Variants in CTNNA2 observed in about 807,000 individuals in gnomAD.
CTNNA2 encodes catenin alpha-2.
Under a neutral mutation model 101.0 loss-of-function variants are expected in CTNNA2, and 42 were observed. The observed-to-expected ratio is 0.42, with a 90% confidence interval of 0.32 to 0.54. The LOEUF is 0.54. CTNNA2 is among the 20% of genes least tolerant of loss of function. CTNNA2 has a pLI of 0.14. For synonymous variants in CTNNA2, 450 were observed against 456.4 expected, an observed-to-expected ratio of 0.99 and a Z score of 0.18; for missense variants, 871 against 1,223.1, an observed-to-expected ratio of 0.71 and a Z score of 4.29.
chr2:79,512,696 G>A (rs978921665), upstream of CTNNA2, among the ~76,000 whole-genome samples: 4 of 151,702 alleles, frequency 2.6e-5, no homozygotes, highest in African/African-American at 9.7e-5. Context: ...TGCGCCCTAC[G>A]GCGGTGCCCC....
chr2:79,491,590 A>G (rs569811959), intron 4 of CTNNA2, among the ~76,000 whole-genome samples: 1 of 152,320 alleles, frequency 6.6e-6, no homozygotes, highest in Non-Finnish European at 1.5e-5. Context: ...AAAGCTTCTC[A>G]GAAGAGTAAC....
At chr2:79,508,955 GTATATATATATA>G (rs530470576), upstream of CTNNA2, among the ~76,000 whole-genome samples, 1,124 of 89,826 alleles carry the variant, frequency 0.013, 29 homozygotes, top group Admixed American at 0.016. Context: ...CACCATTGCA[GTATATATATATA>G]TATATATATA....
intron 1 of CTNNA2, among the ~76,000 whole-genome samples, chr2:79,534,798 A>T (rs1233706374): frequency 6.6e-6 from 1 of 151,830 alleles, no homozygotes; most frequent in Non-Finnish European, 1.5e-5. Context: ...CACTTGTGTG[A>T]TTATTGGCTT....
chr2:79,589,801 A>G (rs948267670), intron 1 of CTNNA2, among the ~76,000 whole-genome samples: 1 of 151,742 alleles, frequency 6.6e-6, no homozygotes, highest in African/African-American at 2.4e-5. Flanking sequence ...CTTAAATCAA[A>G]TTGGTGAAGT....
At chr2:80,210,882 C>T (rs112016710) in intron 7 of CTNNA2, among the ~76,000 whole-genome samples, 4,555 of 152,152 alleles carry the variant, frequency 0.03, 242 homozygotes, top group African/African-American at 0.1. Context: ...CTCCTGTTGT[C>T]TCCTGACTTT....
At chr2:79,830,293 A>G (rs542628604) in intron 3 of CTNNA2, among the ~76,000 whole-genome samples, 1 of 152,252 alleles carries the variant, frequency 6.6e-6, no homozygotes, top group Non-Finnish European at 1.5e-5. Context: ...AGAGACAGCC[A>G]TGGGCAAAGA....
chr2:79,897,784 C>T (rs1025669295), intron 6 of CTNNA2, among the ~76,000 whole-genome samples: 1 of 152,114 alleles, frequency 6.6e-6, no homozygotes, highest in Non-Finnish European at 1.5e-5. Flanking sequence ...ACTGGGAAAT[C>T]CAAGATCAAA....
At position 79,287,783 on chromosome 2, in the gene CTNNA2, C is replaced by G. The variant is rs200112824; in HGVS notation, c.-405-24926C>G. Among the ~76,000 whole-genome samples, 942 of 152,088 alleles carry G rather than the reference C, an allele frequency of 6.2e-3. 8 individuals carry two copies. In the East Asian group the frequency reaches 0.062, roughly 10 times the overall value. Reference sequence around the variant, plus strand: ...AGCTGTGGTGGGCTCCACCCAGTTCCAGCTTCCCGGCTGCTTTGTTTACCT... The same window carrying G: ...AGCTGTGGTGGGCTCCACCCAGTTCGAGCTTCCCGGCTGCTTTGTTTACCT... On this transcript the variant is annotated intron_variant, in intron 2 of 21. Transcript: ENST00000466387.
chr2:79,538,189 A>AT (rs1248249645), intron 1 of CTNNA2, among the ~76,000 whole-genome samples: 1 of 152,142 alleles, frequency 6.6e-6, no homozygotes, highest in Non-Finnish European at 1.5e-5. Flanking sequence ...TACTGTGAAC[A>AT]TATCAGCTTC....
intron 2 of CTNNA2, among the ~76,000 whole-genome samples, chr2:79,258,718 C>G (rs1268291485): frequency 6.6e-6 from 1 of 151,874 alleles, no homozygotes; most frequent in Non-Finnish European, 1.5e-5. Flanking sequence ...AAGCTCAATG[C>G]TTTTGAAACA....
chr2:79,573,430 C>G (rs1158589799), intron 1 of CTNNA2, among the ~76,000 whole-genome samples: 1 of 152,190 alleles, frequency 6.6e-6, no homozygotes, highest in Non-Finnish European at 1.5e-5. Flanking sequence ...TAACTTAAAG[C>G]CTGAAATATA....
At chr2:79,928,523 A>T (rs1004963287) in intron 7 of CTNNA2, among the ~76,000 whole-genome samples, 1 of 152,200 alleles carries the variant, frequency 6.6e-6, no homozygotes, top group Non-Finnish European at 1.5e-5. Context: ...TGTTCATGAC[A>T]TGATAGAGAA....
rs138590917 is a variant in CTNNA2, at chr2:79,552,585, G to A, written c.-6+39378G>A. ...TTCTCCCTGAAGGCTCTGCCCCATA[G>A]TAGACTTCTGCCTGGACATCCGGGC... On this transcript the variant is annotated intron_variant, in intron 1 of 18. Transcript: ENST00000402739. Among the ~76,000 whole-genome samples the A allele has an allele frequency of 1.1e-4, 17 of 152,284 alleles. No individual in the cohort carries two copies. In the East Asian group the frequency reaches 3.3e-3, roughly 30 times the overall value.
chr2:79,691,513 A>G (rs982511624), intron 2 of CTNNA2, among the ~76,000 whole-genome samples: 35 of 151,814 alleles, frequency 2.3e-4, no homozygotes, highest in Admixed American at 9.9e-4. Flanking sequence ...ACAATTAGAA[A>G]AAAAAAACTA....
At chr2:79,312,447 C>CA (rs1225611802) in intron 2 of CTNNA2, among the ~76,000 whole-genome samples, 1 of 152,126 alleles carries the variant, frequency 6.6e-6, no homozygotes, top group Non-Finnish European at 1.5e-5. Context: ...TCTCATTTTT[C>CA]ATTCATTCAT....
intron 1 of CTNNA2, among the ~76,000 whole-genome samples, chr2:79,563,161 GTATA>G (rs71385287): frequency 4.1e-4 from 32 of 78,588 alleles, no homozygotes; most frequent in Middle Eastern, 7.0e-3. Context: ...ATAAAGATGT[GTATA>G]TATATATATA....
intron 7 of CTNNA2, among the ~76,000 whole-genome samples, chr2:80,160,236 T>C (rs1392519946): frequency 6.6e-6 from 1 of 152,230 alleles, no homozygotes. Context: ...GTTAAATAGA[T>C]TCTTCCCTCT....
intron 7 of CTNNA2, among the ~76,000 whole-genome samples, chr2:79,969,610 T>G (rs542255): frequency 0.21 from 31,369 of 152,138 alleles, 3,828 homozygotes; most frequent in East Asian, 0.45. Flanking sequence ...TATGAGAACT[T>G]AAGGAGACCA....
intron 7 of CTNNA2, among the ~76,000 whole-genome samples, chr2:80,100,823 G>C (rs760040049): frequency 3.3e-5 from 5 of 152,196 alleles, no homozygotes; most frequent in Non-Finnish European, 7.3e-5. Context: ...AACCTTCTGA[G>C]CATACATCTT....
Sources: gnomAD v4.1 joint callset for allele counts (sites outside exome capture counted in the v4.1 genomes callset) on GRCh38, gnomAD v4.1.1 for gene constraint, MANE v1.5 for transcripts, NCBI Gene and HGNC (gene_info 2026-07-23, HGNC 2026-07-21) for gene names.